Variants in AGBL1 observed in about 807,000 individuals in gnomAD.
AGBL1 encodes the protein AGBL carboxypeptidase 1.
In AGBL1, 130 loss-of-function variants were observed where a neutral mutation model predicts 118.9. The ratio of observed to expected loss-of-function variants is 1.09; its 90% CI spans 0.95 to 1.26. The LOEUF is 1.26. AGBL1 is among the 50% of genes most tolerant of loss of function. The pLI is 0.00. For synonymous variants in AGBL1, 555 were observed against 478.9 expected (o/e 1.16, Z -2.08); for missense variants, 1,584 against 1,298.1 (o/e 1.22, Z -3.38).
chr15:86,447,123 TA>T (rs1452408029), intron 18 of AGBL1, among the ~76,000 whole-genome samples: 1 of 152,234 alleles, frequency 6.6e-6, no homozygotes, highest in Non-Finnish European at 1.5e-5. Flanking sequence ...GGTTTCAGCC[TA>T]AAAATTAATT....
At chr15:86,378,732 A>G (rs11638141) in intron 17 of AGBL1, among the ~76,000 whole-genome samples, 67,325 of 151,704 alleles carry the variant, frequency 0.44, 15,511 homozygotes, top group East Asian at 0.66. Context: ...AATTGAGGCC[A>G]CATGTAAGTA....
chr15:86,131,450 T>A (rs1267297381), intron 1 of AGBL1, among the ~76,000 whole-genome samples: 10 of 152,220 alleles, frequency 6.6e-5, no homozygotes, highest in Admixed American at 5.2e-4. Context: ...CTATTTTTTT[T>A]AAACTTGCTA....
intron 18 of AGBL1, among the ~76,000 whole-genome samples, chr15:86,502,746 T>A (rs1331929668): frequency 6.6e-6 from 1 of 151,518 alleles, no homozygotes; most frequent in Non-Finnish European, 1.5e-5. Context: ...GAACAAACCT[T>A]CCAATCCTGA....
intron 24 of AGBL1, among the ~76,000 whole-genome samples, chr15:86,998,797 T>C (rs1301044013): frequency 6.6e-6 from 1 of 152,120 alleles, no homozygotes; most frequent in Non-Finnish European, 1.5e-5. Flanking sequence ...TCTGACAAGT[T>C]AGTTAGCTCA....
chr15:86,276,452 A>T (rs1328012763), intron 15 of AGBL1, among the ~76,000 whole-genome samples: 1 of 152,216 alleles, frequency 6.6e-6, no homozygotes, highest in African/African-American at 2.4e-5. Context: ...AAAGGATGTC[A>T]TTAGAATTGG....
intron 5 of AGBL1, among the ~76,000 whole-genome samples, chr15:86,175,198 T>C (rs1310152325): frequency 6.6e-6 from 1 of 152,072 alleles, no homozygotes; most frequent in Non-Finnish European, 1.5e-5. Flanking sequence ...TTGTACTCAT[T>C]ATTATTCTGT....
intron 22 of AGBL1, among the ~76,000 whole-genome samples, chr15:86,770,019 C>T (rs1441943738): frequency 2.0e-5 from 3 of 152,010 alleles, no homozygotes; most frequent in African/African-American, 7.2e-5. Context: ...TCCTTTAATA[C>T]TGTATATTGA....
intron 22 of AGBL1, among the ~76,000 whole-genome samples, chr15:86,732,706 T>C (rs1030099380): frequency 1.3e-5 from 2 of 152,154 alleles, no homozygotes; most frequent in Non-Finnish European, 2.9e-5. Context: ...GATTTGATTC[T>C]AGACTGTGCC....
intron 24 of AGBL1, among the ~76,000 whole-genome samples, chr15:87,010,471 C>G (rs1343845094): frequency 6.6e-6 from 1 of 152,172 alleles, no homozygotes; most frequent in Non-Finnish European, 1.5e-5. Flanking sequence ...TGAGTGCATC[C>G]AATCAGCTAA....
intron 22 of AGBL1, among the ~76,000 whole-genome samples, chr15:86,776,789 TGAGA>T (rs1290141997): frequency 2.7e-5 from 3 of 112,970 alleles, no homozygotes; most frequent in Admixed American, 8.5e-5. Context: ...TGTGTGTGTG[TGAGA>T]GAGAGAGAGA....
intron 11 of AGBL1, among the ~76,000 whole-genome samples, chr15:86,265,943 G>A (rs1317459233): frequency 6.6e-6 from 1 of 152,124 alleles, no homozygotes; most frequent in East Asian, 1.9e-4. Flanking sequence ...AATATAAATT[G>A]CACAAGGGTA....
chr15:86,720,572 G>A (rs1204917032), intron 22 of AGBL1, among the ~76,000 whole-genome samples: 1 of 152,194 alleles, frequency 6.6e-6, no homozygotes, highest in Non-Finnish European at 1.5e-5. Context: ...CAGTTCCTCA[G>A]CTTTTCATTG....
intron 5 of AGBL1, among the ~76,000 whole-genome samples, chr15:86,164,181 CTT>C (rs2077305610): frequency 6.6e-6 from 1 of 152,216 alleles, no homozygotes; most frequent in African/African-American, 2.4e-5. Context: ...CACATTAAAA[CTT>C]TGCTGTCTAT....
chr15:86,662,591 C>A (rs550699969), intron 21 of AGBL1, among the ~76,000 whole-genome samples: 51 of 152,308 alleles, frequency 3.3e-4, no homozygotes, highest in African/African-American at 1.2e-3. Flanking sequence ...TCATTGGCTG[C>A]TGCAATGATA....
intron 17 of AGBL1, among the ~76,000 whole-genome samples, chr15:86,310,405 C>T (rs537374321): frequency 5.3e-5 from 8 of 151,838 alleles, no homozygotes; most frequent in South Asian, 2.1e-4. Flanking sequence ...TCTTGGTGGG[C>T]GTTTGGCATG....
intron 22 of AGBL1, among the ~76,000 whole-genome samples, chr15:86,810,494 C>T (rs2078773131): frequency 6.6e-6 from 1 of 152,098 alleles, no homozygotes; most frequent in South Asian, 2.1e-4. Flanking sequence ...CTCTGAAAGG[C>T]CCCATTACTG....
At chr15:86,670,266 A>G (rs1263102852) in intron 21 of AGBL1, among the ~76,000 whole-genome samples, 1 of 151,896 alleles carries the variant, frequency 6.6e-6, no homozygotes, top group Admixed American at 6.6e-5. Context: ...AGGTATTTTG[A>G]TATGTGCCAG....
intron 18 of AGBL1, among the ~76,000 whole-genome samples, chr15:86,452,401 T>C (rs967211505): frequency 2.6e-5 from 4 of 152,186 alleles, no homozygotes; most frequent in Non-Finnish European, 5.9e-5. Flanking sequence ...ATTTGTAGCC[T>C]CATGATGCAC....
intron 22 of AGBL1, among the ~76,000 whole-genome samples, chr15:86,893,252 C>T (rs537416678): frequency 6.6e-5 from 10 of 152,212 alleles, no homozygotes; most frequent in African/African-American, 2.4e-4. Flanking sequence ...TTTAAGTGTT[C>T]GCCTCTTGCT....
Sources: gnomAD v4.1 joint callset for allele counts (sites outside exome capture counted in the v4.1 genomes callset) on GRCh38, gnomAD v4.1.1 for gene constraint, MANE v1.5 for transcripts, NCBI Gene and HGNC (gene_info 2026-07-23, HGNC 2026-07-21) for gene names.